The following AIM2 variants were observed in gnomAD, a reference collection of about 807,000 sequenced individuals.
AIM2 encodes the protein absent in melanoma 2.
Under a neutral mutation model 27.7 loss-of-function variants are expected in AIM2, and 30 were observed. That is an observed-to-expected ratio of 1.08 (90% confidence interval 0.81 to 1.47). The LOEUF is 1.47. AIM2 is among the 40% of genes most tolerant of loss of function. The pLI, the probability that AIM2 is intolerant of heterozygous loss-of-function variation, is 0.00. For missense variants in AIM2, 358 were observed against 411.3 expected (o/e 0.87, Z 1.12); for synonymous variants, 141 against 145.3 (o/e 0.97, Z 0.21).
intron 1 of AIM2, among the ~76,000 whole-genome samples, chr1:159,115,042 G>C (rs917940966): frequency 2.6e-5 from 4 of 152,118 alleles, no homozygotes; most frequent in Non-Finnish European, 5.9e-5. Context: ...ACCAATAACA[G>C]ACAAACAGAG....
chr1:159,133,966 T>A (rs1330301655), intron 1 of AIM2, among the ~76,000 whole-genome samples: 1 of 152,188 alleles, frequency 6.6e-6, no homozygotes, highest in Non-Finnish European at 1.5e-5. Context: ...GTGTGACATC[T>A]CCTCTACTAT....
chr1:159,135,265 T>A (rs1647992205), intron 1 of AIM2, among the ~76,000 whole-genome samples: 1 of 152,246 alleles, frequency 6.6e-6, no homozygotes, highest in East Asian at 1.9e-4. Context: ...TTCACCTTCA[T>A]CTCTGAGTGG....
chr1:159,077,406 G>T (rs1249204799), upstream of AIM2, among the ~76,000 whole-genome samples: 1 of 152,254 alleles, frequency 6.6e-6, no homozygotes, highest in African/African-American at 2.4e-5. Flanking sequence ...CATGATGGGA[G>T]TGGGAATTTC....
chr1:159,121,386 T>C (rs1033773426), intron 1 of AIM2, among the ~76,000 whole-genome samples: 1 of 152,230 alleles, frequency 6.6e-6, no homozygotes, highest in Non-Finnish European at 1.5e-5. Context: ...CTTGATCATA[T>C]TGTGAGTGTA....
upstream of AIM2, among the ~76,000 whole-genome samples, chr1:159,141,907 G>C (rs1648121988): frequency 6.6e-6 from 1 of 152,198 alleles, no homozygotes; most frequent in African/African-American, 2.4e-5. Flanking sequence ...CAATTTCCCA[G>C]ACTCAGAATC....
downstream of AIM2, among the ~76,000 whole-genome samples, chr1:159,058,348 CA>C (rs34913942): frequency 0.9 from 105,491 of 117,778 alleles, 47,404 homozygotes; most frequent in East Asian, 0.98. Flanking sequence ...GATTCTGTCT[CA>C]AAAAAAAAAA....
chr1:159,103,565 T>C (rs1657360150), intron 1 of AIM2, among the ~76,000 whole-genome samples: 1 of 152,150 alleles, frequency 6.6e-6, no homozygotes, highest in Non-Finnish European at 1.5e-5. Flanking sequence ...GGAGGAAGAT[T>C]TTCATAGTCC....
intron 5 of AIM2, 71 bp from the exon 6 acceptor site, chr1:159,062,789 T>C (rs1655889484): frequency 1.4e-6 from 2 of 1,385,872 alleles, no homozygotes; most frequent in Non-Finnish European, 2.0e-6. Flanking sequence ...TTGCAGTCAC[T>C]ATGGCCTTCT....
intron 1 of AIM2, among the ~76,000 whole-genome samples, chr1:159,131,061 G>A (rs1647861305): frequency 6.6e-6 from 1 of 152,000 alleles, no homozygotes. Flanking sequence ...GATGTTCCAT[G>A]GTGTTCTCTG....
At chr1:159,092,860 T>C (rs1347106668) in intron 1 of AIM2, among the ~76,000 whole-genome samples, 1 of 151,624 alleles carries the variant, frequency 6.6e-6, no homozygotes, top group African/African-American at 2.4e-5. Flanking sequence ...CCCATCTCCA[T>C]TAAAAATACA....
At chr1:159,107,820 C>T (rs1657483563) in intron 1 of AIM2, among the ~76,000 whole-genome samples, 1 of 152,062 alleles carries the variant, frequency 6.6e-6, no homozygotes, top group Non-Finnish European at 1.5e-5. Context: ...TGGATAAATT[C>T]CTGGAAAGAT....
At chr1:159,119,458 AT>A (rs1647471189) in intron 1 of AIM2, among the ~76,000 whole-genome samples, 1 of 151,966 alleles carries the variant, frequency 6.6e-6, no homozygotes, top group African/African-American at 2.4e-5. Context: ...CACAAACATT[AT>A]TTTTTTGATG....
At position 159,066,086 on chromosome 1, in the gene AIM2, G is replaced by T. The variant is rs1656077996; in HGVS notation, c.640C>A (p.Arg214=). The change falls in exon 4 of 6, where the codon CGG becomes AGG. Residue 214 remains arginine, a synonymous_variant. Coordinates refer to ENST00000368130, the MANE Select transcript of AIM2 (RefSeq NM_004833.3). ...KRIIIIARYY[R]HSGFLEVNSA... is the part of the protein sequence containing the mutation. ...TTTACCTCTAAGAAACCACTGTGCC[G>T]ATAATATCTTGCTATTATAATTATT... The T allele has an allele frequency of 4.3e-6, 7 of 1,614,012 alleles. No individual in the cohort carries two copies. The highest frequency in any genetic ancestry group is 5.9e-6 in the Non-Finnish European group (7 of 1,180,018).
chr1:159,060,723 G>A (rs1397968005), downstream of AIM2, among the ~76,000 whole-genome samples: 3 of 151,224 alleles, frequency 2.0e-5, no homozygotes, highest in Middle Eastern at 3.4e-3. Context: ...GGTGTCAGTA[G>A]TTATTCTTTT....
intron 1 of AIM2, among the ~76,000 whole-genome samples, chr1:159,102,172 C>T (rs1372600978): frequency 1.3e-5 from 2 of 152,184 alleles, no homozygotes; most frequent in African/African-American, 4.8e-5. Context: ...CTAAAAGGGG[C>T]CATTGTACAG....
intron 2 of AIM2, 22 bp from the exon 3 acceptor site, chr1:159,068,723 T>C (rs1656225864): frequency 6.2e-7 from 1 of 1,612,038 alleles, no homozygotes; most frequent in Admixed American, 1.7e-5. Flanking sequence ...ATGAAAGACA[T>C]GGCCAATAAG....
At chr1:159,107,136 T>G (rs1173590454) in intron 1 of AIM2, among the ~76,000 whole-genome samples, 1 of 152,122 alleles carries the variant, frequency 6.6e-6, no homozygotes, top group African/African-American at 2.4e-5. Context: ...GAAACAAAAA[T>G]GCAAAAGACA....
intron 1 of AIM2, among the ~76,000 whole-genome samples, chr1:159,111,553 A>G (rs1424150866): frequency 1.3e-5 from 2 of 152,188 alleles, no homozygotes; most frequent in Non-Finnish European, 2.9e-5. Context: ...ATTTTAAGAA[A>G]ATGACTTGTC....
chr1:159,115,393 A>G (rs1647305424), intron 1 of AIM2, among the ~76,000 whole-genome samples: 1 of 152,206 alleles, frequency 6.6e-6, no homozygotes, highest in African/African-American at 2.4e-5. Context: ...CTAAGCCAAA[A>G]GAACAAAGCT....
Sources: gnomAD v4.1 joint callset for allele counts (sites outside exome capture counted in the v4.1 genomes callset) on GRCh38, gnomAD v4.1.1 for gene constraint, MANE v1.5 for transcripts, NCBI Gene and HGNC (gene_info 2026-07-23, HGNC 2026-07-21) for gene names.